The following KLC2 variants were observed in gnomAD, a reference collection of about 807,000 sequenced individuals.
The protein encoded by KLC2 is kinesin light chain 2, also known as KLC 2.
A neutral mutation model predicts 75.1 loss-of-function variants in KLC2; 35 were observed. That is an observed-to-expected ratio of 0.47 (90% CI 0.36 to 0.62). The LOEUF is 0.62. Among genes scored for constraint, KLC2 ranks in the 20% least tolerant of loss-of-function variants. KLC2 has a pLI of 0.00. For missense variants in KLC2, 611 were observed against 833.2 expected (o/e 0.73, Z 3.28); for synonymous variants, 314 against 336.7 (o/e 0.93, Z 0.74).
intron 1 of KLC2, 49 bp from the exon 2 acceptor site, chr11:66,258,535 G>A (rs1335890640): frequency 7.7e-7 from 1 of 1,303,466 alleles, no homozygotes; most frequent in Admixed American, 1.8e-5. Flanking sequence ...GCGGACGGCG[G>A]TGTGGCCCCA....
rs1290464797 is a variant in KLC2 at position 66,262,682 on chromosome 11, G to C, written c.530-132G>C. On this transcript the variant is annotated intron_variant, in intron 4 of 15. Transcript: ENST00000394067. ...GGTAACTAGACCCATTCTATAAATG[G>C]GGAAACTGAGAAAGAGTGGTTAGTG... is the stretch of plus-strand genomic sequence containing the variant. 4.4e-6 allele frequency: 3 copies of C among 676,586 alleles called. No individual in the cohort carries two copies. In the Admixed American group the frequency reaches 7.3e-5, roughly 16 times the overall value. The allele number at this position is 676,586 out of a possible 1,614,324, so 41.9% of individuals were successfully genotyped here.
rs561576772 is a variant in KLC2 at position 66,265,058 on chromosome 11, C to T, written c.1252C>T (p.Arg418Trp). 8.8e-5 allele frequency: 142 copies of T among 1,612,828 alleles called. No homozygotes were observed. Among genetic ancestry groups the T allele is most frequent in the South Asian group, 5.5e-4 (50 of 91,000 alleles). The change falls in exon 10 of 16, where the codon CGG becomes TGG. Residue 418 changes from arginine (R) to tryptophan (W), a missense_variant. By Grantham distance (101) the Arg-to-Trp change is moderately radical. Coordinates refer to ENST00000394067, the MANE Select transcript of KLC2 (RefSeq NM_001318734.2). ...NKPIWMHAEE[R>W]EESKDKRRDS... ...GCCCATCTGGATGCACGCAGAGGAGCGGGAGGAAAGCAAGGTAGCTCTGTG... is the reference window on the plus strand; with the variant it reads ...GCCCATCTGGATGCACGCAGAGGAGTGGGAGGAAAGCAAGGTAGCTCTGTG...
chr11:66,264,529 G>T, intron 9 of KLC2, 85 bp downstream of exon 9: 1 of 1,021,470 alleles, frequency 9.8e-7, no homozygotes, highest in Non-Finnish European at 1.5e-6. Flanking sequence ...CCCTCAGCAG[G>T]GCAGGCCCTC....
At chr11:66,263,531 TC>T in intron 5 of KLC2, 128 bp from the exon 6 acceptor site, 2 of 654,070 alleles carry the variant, frequency 3.1e-6, no homozygotes, top group Non-Finnish European at 5.4e-6. Flanking sequence ...TGAGCAGGTC[TC>T]CCCACACTCT....
intron 11 of KLC2, 80 bp from the exon 12 acceptor site, chr11:66,265,574 CT>C (rs779385666): frequency 4.2e-6 from 5 of 1,196,622 alleles, no homozygotes; most frequent in Non-Finnish European, 6.0e-6. Flanking sequence ...TCCATGCTTC[CT>C]CAGGGCCCAC....
chr11:66,250,909 A>G, the KLC2 span, among the ~76,000 whole-genome samples: 1 of 152,220 alleles, frequency 6.6e-6, no homozygotes, highest in Non-Finnish European at 1.5e-5. Flanking sequence ...TACTGTTACC[A>G]CTGTGAGCCA....
At chr11:66,245,338 T>C in the KLC2 span, among the ~76,000 whole-genome samples, 1 of 152,128 alleles carries the variant, frequency 6.6e-6, no homozygotes, top group Non-Finnish European at 1.5e-5. Flanking sequence ...CCCAGCACTT[T>C]GGGAGGCCAA....
the KLC2 span, among the ~76,000 whole-genome samples, chr11:66,246,689 C>CTG: frequency 6.6e-6 from 1 of 152,206 alleles, no homozygotes; most frequent in Non-Finnish European, 1.5e-5. Flanking sequence ...TTCCAAAGAG[C>CTG]TGTGTGTGTT....
chr11:66,267,571 G>A lies in KLC2; in HGVS notation c.*615G>A. 1 of 624,424 alleles carries A rather than the reference G, an allele frequency of 1.6e-6. No individual in the cohort carries two copies. The allele number at this position is 624,424 out of a possible 1,614,324, so 38.7% of individuals were successfully genotyped here. On this transcript the variant is annotated 3_prime_UTR_variant, in exon 16 of 16. Transcript: ENST00000394067. ...TGCGTCCTACCCGCGCCATCGCCCC[G>A]TGGCCCAGGACGGGGACCTCCCCTT... is the stretch of plus-strand genomic sequence containing the variant.
At chr11:66,251,644 T>C in the KLC2 span, among the ~76,000 whole-genome samples, 1 of 151,834 alleles carries the variant, frequency 6.6e-6, no homozygotes, top group Admixed American at 6.6e-5. Flanking sequence ...TGGTGGCGCA[T>C]GCCTGTAATC....
intron 8 of KLC2, 56 bp downstream of exon 8, chr11:66,264,275 T>A (rs1475170205): frequency 1.3e-6 from 2 of 1,565,346 alleles, no homozygotes; most frequent in Non-Finnish European, 1.7e-6. Context: ...AGGGATGAGG[T>A]TGGGGAAGAA....
At chr11:66,257,133 A>G (rs1392983235), upstream of KLC2, among the ~76,000 whole-genome samples, 1 of 152,214 alleles carries the variant, frequency 6.6e-6, no homozygotes, top group East Asian at 1.9e-4. Flanking sequence ...GGGGTCTATC[A>G]GAGGAAATTT....
In KLC2 at chr11:66,267,021, C is replaced by T. The variant is rs1176195976; in HGVS notation, c.*65C>T. 1 of 1,586,658 alleles carries T rather than the reference C, an allele frequency of 6.3e-7. No individual in the cohort carries two copies. The highest frequency in any genetic ancestry group is 8.5e-7 in the Non-Finnish European group (1 of 1,170,250). ...ACACCCCCCTCACCCCAGCCCTGCG[C>T]ATGGGCCTGCTGCTTGTCCCGCCTG... On this transcript the variant is annotated 3_prime_UTR_variant, in exon 16 of 16. Coordinates refer to ENST00000394067, the MANE Select transcript of KLC2 (RefSeq NM_001318734.2).
chr11:66,253,715 A>G (rs1354946208), upstream of KLC2, among the ~76,000 whole-genome samples: 2 of 152,250 alleles, frequency 1.3e-5, no homozygotes, highest in South Asian at 4.1e-4. Context: ...TAAAAAGCCA[A>G]GTGGCTGAAA....
intron 9 of KLC2, among the ~76,000 whole-genome samples, 167 bp downstream of exon 9, chr11:66,264,611 C>A (rs973717346): frequency 1.3e-5 from 2 of 152,208 alleles, no homozygotes; most frequent in Admixed American, 1.3e-4. Flanking sequence ...CGTTTGCACA[C>A]ATGAGCACAC....
the KLC2 span, among the ~76,000 whole-genome samples, chr11:66,245,919 G>A: frequency 6.6e-6 from 1 of 152,224 alleles, no homozygotes; most frequent in African/African-American, 2.4e-5. Context: ...GCTTGCAGGA[G>A]AGGCAGCGCT....
Position 66,264,217 on chromosome 11 carries a change from C to T in KLC2, c.1114C>T (p.Leu372=). ...CAATGTGGCCAAGACCAAGAACAAC[C>T]TGGTACCTTGGGGCTGAGAGGAGCT... ...DPNVAKTKNN[L]ASCYLKQGKY... Residue 372 remains leucine (L), a splice_region_variant and synonymous_variant, in exon 8 of 16, where the codon CTG becomes TTG. Coordinates refer to ENST00000394067, the MANE Select transcript of KLC2 (RefSeq NM_001318734.2). 2 of 1,571,398 alleles carry T rather than the reference C, an allele frequency of 1.3e-6. No homozygotes were observed. The highest frequency in any genetic ancestry group is 1.7e-6 in the Non-Finnish European group (2 of 1,157,278).
Position 66,261,814 on chromosome 11 carries a change from C to T in KLC2, c.301C>T (p.Arg101Cys), listed in dbSNP as rs754653964. 14 of 1,613,202 alleles carry T rather than the reference C, an allele frequency of 8.7e-6. No homozygotes were observed. The Admixed American group carries it at 2.2e-4, about 25-fold the overall frequency. Residue 101 changes from arginine to cysteine, a missense_variant, in exon 3 of 16, where the codon CGT becomes TGT. Physicochemically the swap from Arg to Cys is radical, Grantham distance 180. Transcript: ENST00000394067. ...EKQKLRAQVR[R>C]LVQENQWLRE... ...GCAGAAGCTGCGGGCGCAGGTGCGG[C>T]GTCTGGTGCAGGAGAACCAGTGGCT...
At chr11:66,251,337 C>G in the KLC2 span, among the ~76,000 whole-genome samples, 1 of 124,852 alleles carries the variant, frequency 8.0e-6, no homozygotes, top group Non-Finnish European at 1.9e-5. Flanking sequence ...ACTAAAAATA[C>G]AAAAATTAAC....
Sources: gnomAD v4.1 joint callset for allele counts (sites outside exome capture counted in the v4.1 genomes callset) on GRCh38, gnomAD v4.1.1 for gene constraint, MANE v1.5 for transcripts, NCBI Gene and HGNC (gene_info 2026-07-23, HGNC 2026-07-21) for gene names.